Variants in SYNJ1 observed in about 807,000 individuals in gnomAD.
The protein encoded by SYNJ1 is synaptojanin 1, also known as polyphosphatidylinositol phosphatase SYNJ1.
SYNJ1 carries 78 observed loss-of-function variants against 168.2 expected under a neutral mutation model. That is an observed-to-expected ratio of 0.46 (90% CI 0.39 to 0.56). The LOEUF (loss-of-function observed/expected upper bound fraction) is 0.56. Among genes scored for constraint, SYNJ1 ranks in the 20% least tolerant of loss-of-function variants. The pLI is 0.00. For synonymous variants in SYNJ1, 539 were observed against 548.6 expected (o/e 0.98, Z 0.24); for missense variants, 1,303 against 1,597.6 (o/e 0.82, Z 3.14).
intron 12 of SYNJ1, among the ~76,000 whole-genome samples, chr21:32,678,105 T>C (rs1029941545): frequency 1.3e-5 from 2 of 152,154 alleles, no homozygotes; most frequent in Non-Finnish European, 2.9e-5. Context: ...CTGAAGGTCA[T>C]ATATTTATTT....
chr21:32,643,017 GAATT>G (rs1045426687), intron 27 of SYNJ1, among the ~76,000 whole-genome samples: 1 of 152,100 alleles, frequency 6.6e-6, no homozygotes, highest in African/African-American at 2.4e-5. Context: ...TCTTGGATCT[GAATT>G]AATAGGGTTT....
intron 18 of SYNJ1, among the ~76,000 whole-genome samples, chr21:32,659,767 G>T (rs530797589): frequency 6.6e-6 from 1 of 152,308 alleles, no homozygotes; most frequent in South Asian, 2.1e-4. Flanking sequence ...GCTGAATAAA[G>T]CCCTTTCCTT....
chr21:32,715,564 T>C (rs2042995927), intron 2 of SYNJ1, among the ~76,000 whole-genome samples: 2 of 152,302 alleles, frequency 1.3e-5, no homozygotes, highest in South Asian at 4.1e-4. Flanking sequence ...TTATCTATAT[T>C]TCAGCAACAC....
chr21:32,656,134 T>TA (rs2040446690), intron 21 of SYNJ1, among the ~76,000 whole-genome samples: 1 of 152,224 alleles, frequency 6.6e-6, no homozygotes, highest in Non-Finnish European at 1.5e-5. Context: ...ATTGTTCACA[T>TA]AAAGTTTCAC....
intron 18 of SYNJ1, among the ~76,000 whole-genome samples, chr21:32,660,177 A>G (rs2040632493): frequency 6.6e-6 from 1 of 152,226 alleles, no homozygotes; most frequent in African/African-American, 2.4e-5. Flanking sequence ...CCTATCTCTC[A>G]AAACAACTAG....
Position 32,726,763 on chromosome 21 carries a change from A to G in SYNJ1, c.124+9T>C, listed in dbSNP as rs2043473435. 1 of 1,613,824 alleles carries G rather than the reference A, an allele frequency of 6.2e-7. No homozygotes were observed. The highest frequency in any genetic ancestry group is 2.2e-5 in the East Asian group (1 of 44,856). ...ACCATGACAAATTGGGCTCTAACAGATGACTTACAGAGCACAGCGACAGCC... is the reference window on the plus strand; with the variant it reads ...ACCATGACAAATTGGGCTCTAACAGGTGACTTACAGAGCACAGCGACAGCC... On this transcript the variant is annotated intron_variant, in intron 2 of 32. Coordinates refer to ENST00000674351, the MANE Select transcript of SYNJ1 (RefSeq NM_203446.3).
At chr21:32,662,759 T>C (rs1436235610) in intron 18 of SYNJ1, among the ~76,000 whole-genome samples, 1 of 152,122 alleles carries the variant, frequency 6.6e-6, no homozygotes, top group African/African-American at 2.4e-5. Flanking sequence ...ACTGGTGTCA[T>C]TTGGGCCACT....
chr21:32,721,430 G>C (rs2043216413), intron 2 of SYNJ1, among the ~76,000 whole-genome samples: 1 of 152,206 alleles, frequency 6.6e-6, no homozygotes. Context: ...TATAATCTCA[G>C]CACTTTGGGA....
intron 15 of SYNJ1, among the ~76,000 whole-genome samples, chr21:32,666,800 A>AT (rs2040951909): frequency 1.3e-5 from 2 of 152,314 alleles, no homozygotes; most frequent in East Asian, 3.9e-4. Context: ...TAAAGACATT[A>AT]AATGGCTACT....
chr21:32,693,517 AT>A (rs149068697), intron 6 of SYNJ1, among the ~76,000 whole-genome samples: 86 of 151,842 alleles, frequency 5.7e-4, no homozygotes, highest in African/African-American at 1.7e-3. Flanking sequence ...AGGAAGAAAG[AT>A]TTTTTTTTCT....
intron 21 of SYNJ1, among the ~76,000 whole-genome samples, chr21:32,655,213 C>T (rs1406881612): frequency 6.6e-6 from 1 of 152,172 alleles, no homozygotes; most frequent in Non-Finnish European, 1.5e-5. Flanking sequence ...TTCTTTGTAG[C>T]TCAGTGCAGT....
intron 8 of SYNJ1, among the ~76,000 whole-genome samples, chr21:32,686,461 T>C (rs1411047857): frequency 6.6e-6 from 1 of 152,204 alleles, no homozygotes; most frequent in Non-Finnish European, 1.5e-5. Context: ...ATTAATTCAA[T>C]AAGTGTTCAT....
intron 23 of SYNJ1, among the ~76,000 whole-genome samples, chr21:32,647,946 A>C (rs1207796698): frequency 6.6e-6 from 1 of 152,152 alleles, no homozygotes; most frequent in East Asian, 1.9e-4. Flanking sequence ...AACCCTCCTG[A>C]AACTGTGAGC....
Position 32,656,993 on chromosome 21 carries a change from C to G in SYNJ1, c.2579+10G>C. The G allele has an allele frequency of 6.2e-7, 1 of 1,612,040 alleles. No homozygotes were observed. Among genetic ancestry groups the G allele is most frequent in the Non-Finnish European group, 8.5e-7 (1 of 1,179,266 alleles). ...TCAAACACTATTAGAAAAACTGAGA[C>G]TGCTTAAACCTGTGGTCAGAAGTCT... On this transcript the variant is annotated intron_variant, in intron 20 of 32. Transcript: ENST00000674351.
intron 23 of SYNJ1, among the ~76,000 whole-genome samples, chr21:32,648,933 T>C (rs1302883387): frequency 6.6e-6 from 1 of 152,206 alleles, no homozygotes; most frequent in Non-Finnish European, 1.5e-5. Context: ...CCATAATCCA[T>C]TTGGATCCTC....
rs546596367 is a variant in SYNJ1 at position 32,638,661 on chromosome 21, C to T, written c.3915+247G>A. Reference sequence around the variant, plus strand: ...GCAGTGAGCGGAGATCATGCCACTTCACTCCAGCCTGGGAGACAGAGCAAG... The same window carrying T: ...GCAGTGAGCGGAGATCATGCCACTTTACTCCAGCCTGGGAGACAGAGCAAG... On this transcript the variant is annotated intron_variant, in intron 31 of 32. Transcript: ENST00000674351. Among the ~76,000 whole-genome samples, 772 of 152,246 alleles carry T rather than the reference C, an allele frequency of 5.1e-3. 5 individuals carry two copies. Among genetic ancestry groups the T allele is most frequent in the African/African-American group, 0.017 (725 of 41,544 alleles).
chr21:32,665,834 A>T, intron 17 of SYNJ1, 109 bp downstream of exon 17: 1 of 1,117,788 alleles, frequency 8.9e-7, no homozygotes, highest in Non-Finnish European at 1.2e-6. Context: ...GAATATTCTT[A>T]ATGTTTCTAG....
chr21:32,634,858 T>C lies in SYNJ1; in HGVS notation c.*3+3A>G, dbSNP rs1470010361. The C allele has an allele frequency of 6.2e-7, 1 of 1,613,798 alleles. No homozygotes were observed. Among genetic ancestry groups the C allele is most frequent in the Non-Finnish European group, 8.5e-7 (1 of 1,179,914 alleles). On this transcript the variant is annotated splice_donor_region_variant and intron_variant, in intron 32 of 32. Transcript: ENST00000674351. ...CATGTAAGATTGATAAATTGTCAGA[T>C]ACCTGTTACCCTGATGGTTGCTCCT...
intron 2 of SYNJ1, among the ~76,000 whole-genome samples, chr21:32,704,608 G>C (rs1461977754): frequency 6.6e-6 from 1 of 152,162 alleles, no homozygotes; most frequent in African/African-American, 2.4e-5. Context: ...GGAGAGGACT[G>C]TCCACCCATG....
Sources: allele counts gnomAD v4.1 joint callset (sites outside exome capture counted in the v4.1 genomes callset), GRCh38; gene constraint gnomAD v4.1.1; transcripts MANE v1.5; gene names NCBI Gene and HGNC (gene_info 2026-07-23, HGNC 2026-07-21).